The following GORASP1 variants were observed in gnomAD, a reference collection of about 807,000 sequenced individuals.
GORASP1 encodes golgi reassembly stacking protein 1.
Under a neutral mutation model 37.7 loss-of-function variants are expected in GORASP1, and 31 were observed. The ratio of observed to expected loss-of-function variants is 0.82; its 90% confidence interval spans 0.62 to 1.11. GORASP1 has a LOEUF of 1.11. Among genes scored for constraint, GORASP1 ranks in the 50% least tolerant of loss-of-function variants. The pLI is 0.00. For synonymous variants in GORASP1, 204 were observed against 224.8 expected (o/e 0.91, Z 0.83); for missense variants, 476 against 560.7 (o/e 0.85, Z 1.53).
At chr3:39,099,029 C>A in intron 7 of GORASP1, 136 bp from the exon 8 acceptor site, 1 of 1,150,704 alleles carries the variant, frequency 8.7e-7, no homozygotes, top group Non-Finnish European at 1.3e-6. Flanking sequence ...TGATACCCCT[C>A]ACCCAACCTC....
chr3:39,106,145 T>C (rs1054032280), intron 1 of GORASP1, among the ~76,000 whole-genome samples: 1 of 152,188 alleles, frequency 6.6e-6, no homozygotes, highest in Non-Finnish European at 1.5e-5. Flanking sequence ...ATCATCCAAA[T>C]GTCAGCTCCA....
chr3:39,100,469 G>A lies in GORASP1; in HGVS notation c.601C>T (p.Arg201Trp), dbSNP rs757915931. ...GCGIGYGYLH[R>W]IPTQPPSYHK... ...TAGCTGGGGGGCTGAGTTGGGATCCGGTGTAGATACCCATAGCCAATGCCA... is the reference window on the plus strand; with the variant it reads ...TAGCTGGGGGGCTGAGTTGGGATCCAGTGTAGATACCCATAGCCAATGCCA... Residue 201 changes from arginine (R) to tryptophan (W), a missense_variant, in exon 6 of 9, where the codon CGG becomes TGG. Arg to Trp is a moderately radical substitution (Grantham distance 101). Transcript: ENST00000319283. The surrounding 1 kb of genome is among the most constrained non-coding windows in gnomAD (Gnocchi z 4.6). The A allele has an allele frequency of 1.6e-5, 25 of 1,597,904 alleles. 1 individual carries two copies. In the South Asian group the frequency reaches 1.7e-4, roughly 11 times the overall value.
rs571888006 is a variant in GORASP1 at position 39,098,563 on chromosome 3, C to T, written c.1070-74G>A. ...ATGGTGTTAGGGCCAGTAACCCCAC[C>T]GACCGCTCCCCATTGCCACTCCAGG... On this transcript the variant is annotated intron_variant, in intron 8 of 8. Transcript: ENST00000319283. This position sits in a 1 kb window ranked among gnomAD's most constrained non-coding sequence, Gnocchi z 4.7. The T allele has an allele frequency of 1.2e-5, 18 of 1,537,300 alleles. No homozygotes were observed. Among genetic ancestry groups the T allele is most frequent in the African/African-American group, 5.5e-5 (4 of 73,156 alleles).
rs1320598755 is a variant in GORASP1, at chr3:39,101,061, G to A, written c.390C>T (p.Arg130=). ...AACCAACCACATAGTCTGTGTAGGG[G>A]CGCAGGCCGGCAAGGGCAGCAGGTG... ...PSSPAALAGL[R]PYTDYVVGSD... Residue 130 remains arginine (R), a synonymous_variant, in exon 4 of 9, where the codon CGC becomes CGT. Coordinates refer to ENST00000319283, the MANE Select transcript of GORASP1 (RefSeq NM_031899.4). 2.5e-6 allele frequency: 4 copies of A among 1,614,154 alleles called. No homozygotes were observed. The East Asian group carries it at 8.9e-5, about 36-fold the overall frequency.
intron 1 of GORASP1, chr3:39,106,931 C>G (rs9874913): frequency 0.074 from 24,747 of 335,784 alleles, 5,407 homozygotes; most frequent in African/African-American, 0.48. Context: ...CCCTCCCGCT[C>G]CCCACTATCC....
In GORASP1 at chr3:39,102,667, C is replaced by T; in HGVS notation, c.348+11G>A. 1 of 1,613,986 alleles carries T rather than the reference C, an allele frequency of 6.2e-7. No homozygotes were observed. Among genetic ancestry groups the T allele is most frequent in the South Asian group, 1.1e-5 (1 of 91,066 alleles). On this transcript the variant is annotated intron_variant, in intron 3 of 8. Coordinates refer to ENST00000319283, the MANE Select transcript of GORASP1 (RefSeq NM_031899.4). This position sits in a 1 kb window ranked among gnomAD's most constrained non-coding sequence, Gnocchi z 5.0. ...TCCGACACACCCTGCCCTGCCATAC[C>T]CCACACTCACCAGCACATGCCACAC...
chr3:39,107,530 G>T lies in GORASP1; in HGVS notation c.12C>A (p.Gly4=), dbSNP rs755920934. The T allele has an allele frequency of 1.3e-6, 2 of 1,507,944 alleles. No homozygotes were observed. Among genetic ancestry groups the T allele is most frequent in the South Asian group, 1.3e-5 (1 of 79,926 alleles). 93.4% of individuals were successfully genotyped at this position (1,507,944 alleles called of 1,614,324 possible). The part of the protein sequence containing the change: MGL[G]VSAEQPAGGA... Reference sequence around the variant, plus strand: ...CGCCTGCGGGCTGCTCAGCGCTGACGCCCAGGCCCATGGCAGCGGCTCCGC... The same window carrying T: ...CGCCTGCGGGCTGCTCAGCGCTGACTCCCAGGCCCATGGCAGCGGCTCCGC... The change falls in exon 1 of 9, where the codon GGC becomes GGA. Residue 4 remains glycine (G), a synonymous_variant. Transcript: ENST00000319283.
rs772073152 is a variant in GORASP1 at position 39,107,125 on chromosome 3, G to C, written c.63+354C>G. 24 of 494,024 alleles carry C rather than the reference G, an allele frequency of 4.9e-5. 1 individual carries two copies. Among genetic ancestry groups the C allele is most frequent in the South Asian group, 3.7e-4 (24 of 64,844 alleles). The allele number at this position is 494,024 out of a possible 1,614,324, so 30.6% of individuals were successfully genotyped here. ...ACGGAGAGCGGCCCGCGGCAGGCGAGCGTAAATGTGTGCTAAGTGCACGAG... is the reference window on the plus strand; with the variant it reads ...ACGGAGAGCGGCCCGCGGCAGGCGACCGTAAATGTGTGCTAAGTGCACGAG... On this transcript the variant is annotated intron_variant, in intron 1 of 8. Transcript: ENST00000319283.
chr3:39,107,252 G>A, intron 1 of GORASP1: 1 of 527,158 alleles, frequency 1.9e-6, no homozygotes, highest in Non-Finnish European at 3.6e-6. Context: ...TGGCACTTGG[G>A]GCGGGCGCTG....
intron 3 of GORASP1, 28 bp from the exon 4 acceptor site, chr3:39,101,130 C>T: frequency 6.2e-7 from 1 of 1,607,080 alleles, no homozygotes; most frequent in Non-Finnish European, 8.5e-7. Flanking sequence ...AACCACTGGC[C>T]ATGCTACTAG....
Position 39,098,648 on chromosome 3 carries a change from T to C in GORASP1, c.1069+93A>G, listed in dbSNP as rs949637522. ...CCTTGGTGTGGCTGTATCAACCCGA[T>C]GGCCCACTTCTGCCCAGCTGAGGAA... On this transcript the variant is annotated intron_variant, in intron 8 of 8. Transcript: ENST00000319283. The surrounding 1 kb of genome is among the most constrained non-coding windows in gnomAD (Gnocchi z 4.7). The C allele has an allele frequency of 2.0e-6, 3 of 1,531,698 alleles. No individual in the cohort carries two copies. The highest frequency in any genetic ancestry group is 2.7e-5 in the African/African-American group (2 of 73,220). The allele number at this position is 1,531,698 out of a possible 1,614,324, so 94.9% of individuals were successfully genotyped here.
chr3:39,102,614 C>A lies in GORASP1; in HGVS notation c.348+64G>T, dbSNP rs2035794047. 6.4e-7 allele frequency: 1 copy of A among 1,562,330 alleles called. No homozygotes were observed. Among genetic ancestry groups the A allele is most frequent in the Admixed American group, 1.7e-5 (1 of 58,146 alleles). The stretch of plus-strand genomic sequence containing the variant: ...TGTACCCCCTCACACCCCGCCCACA[C>A]CCAGACCTGCCCCAGTAAACTCATC... On this transcript the variant is annotated intron_variant, in intron 3 of 8. Transcript: ENST00000319283. The surrounding 1 kb of genome is among the most constrained non-coding windows in gnomAD (Gnocchi z 5.0).
chr3:39,099,399 C>T lies in GORASP1; in HGVS notation c.870G>A (p.Glu290=), dbSNP rs773831798. 8 of 1,613,540 alleles carry T rather than the reference C, an allele frequency of 5.0e-6. No individual in the cohort carries two copies. Among genetic ancestry groups the T allele is most frequent in the Admixed American group, 1.7e-5 (1 of 59,928 alleles). Residue 290 remains glutamate, a synonymous_variant, in exon 7 of 9, where the codon GAG becomes GAA. Coordinates refer to ENST00000319283, the MANE Select transcript of GORASP1 (RefSeq NM_031899.4). ...CTGGAGGTGGGGGCTGAAGAGGAGT[C>T]TCCATGAAATGGGGAAGTCCATCAG... ...PDPDGLPHFM[E]TPLQPPPPVQ...
chr3:39,107,469 G>A lies in GORASP1; in HGVS notation c.63+10C>T. On this transcript the variant is annotated intron_variant, in intron 1 of 8. Transcript: ENST00000319283. ...TCGCCAAGGTCACCGGCGCCGCGGC[G>A]GCAACTCACCCCGTGGAGGTGGAAG... is the stretch of plus-strand genomic sequence containing the variant. The A allele has an allele frequency of 7.4e-7, 1 of 1,351,614 alleles. No homozygotes were observed. Among genetic ancestry groups the A allele is most frequent in the Non-Finnish European group, 9.5e-7 (1 of 1,057,272 alleles). 83.7% of individuals were successfully genotyped at this position (1,351,614 alleles called of 1,614,324 possible).
chr3:39,098,614 G>A lies in GORASP1; in HGVS notation c.1070-125C>T. ...TTTGATGGGGGATTGGAGATGGAGT[G>A]TACAAATGCCTTGGTGTGGCTGTAT... is the stretch of plus-strand genomic sequence containing the variant. On this transcript the variant is annotated intron_variant, in intron 8 of 8. Transcript: ENST00000319283. The surrounding 1 kb of genome is among the most constrained non-coding windows in gnomAD (Gnocchi z 4.7). The A allele has an allele frequency of 2.0e-6, 3 of 1,498,580 alleles. No homozygotes were observed. Among genetic ancestry groups the A allele is most frequent in the African/African-American group, 2.8e-5 (2 of 72,612 alleles). 92.8% of individuals were successfully genotyped at this position (1,498,580 alleles called of 1,614,324 possible).
chr3:39,107,148 G>A (rs1433150514), intron 1 of GORASP1: 1 of 526,886 alleles, frequency 1.9e-6, no homozygotes, highest in East Asian at 5.0e-5. Flanking sequence ...CTAAGTGCAC[G>A]AGTGCGTCCC....
Position 39,098,557 on chromosome 3 carries a change from C to T in GORASP1, c.1070-68G>A. ...AGGGCCATGGTGTTAGGGCCAGTAACCCCACCGACCGCTCCCCATTGCCAC... is the reference window on the plus strand; with the variant it reads ...AGGGCCATGGTGTTAGGGCCAGTAATCCCACCGACCGCTCCCCATTGCCAC... On this transcript the variant is annotated intron_variant, in intron 8 of 8. Coordinates refer to ENST00000319283, the MANE Select transcript of GORASP1 (RefSeq NM_031899.4). The surrounding 1 kb of genome is among the most constrained non-coding windows in gnomAD (Gnocchi z 4.7). 1.3e-5 allele frequency: 20 copies of T among 1,547,168 alleles called. No homozygotes were observed. Among genetic ancestry groups the T allele is most frequent in the Non-Finnish European group, 1.7e-5 (20 of 1,145,396 alleles).
chr3:39,098,517 G>C lies in GORASP1; in HGVS notation c.1070-28C>G, dbSNP rs766873483. On this transcript the variant is annotated intron_variant, in intron 8 of 8. Coordinates refer to ENST00000319283, the MANE Select transcript of GORASP1 (RefSeq NM_031899.4). The surrounding 1 kb of genome is among the most constrained non-coding windows in gnomAD (Gnocchi z 4.7). Reference sequence around the variant, plus strand: ...GCAACACAGAAGATCAGGCTGAGGAGGTCTGCAAGAACCTAGGGCCATGGT... The same window carrying C: ...GCAACACAGAAGATCAGGCTGAGGACGTCTGCAAGAACCTAGGGCCATGGT... 6.3e-7 allele frequency: 1 copy of C among 1,595,688 alleles called. No individual in the cohort carries two copies. Among genetic ancestry groups the C allele is most frequent in the Non-Finnish European group, 8.5e-7 (1 of 1,170,106 alleles).
intron 1 of GORASP1, chr3:39,107,108 C>G: frequency 2.1e-6 from 1 of 478,216 alleles, no homozygotes; most frequent in Non-Finnish European, 4.1e-6. Context: ...GCACGGAGAG[C>G]GGCCCGCGGC....
Sources: gnomAD v4.1 joint callset for allele counts (sites outside exome capture counted in the v4.1 genomes callset) on GRCh38, gnomAD v4.1.1 for gene constraint, Gnocchi (gnomAD v3.1) non-coding constraint, MANE v1.5 for transcripts, NCBI Gene and HGNC (gene_info 2026-07-23, HGNC 2026-07-21) for gene names.